The following EVI5 variants were observed in gnomAD, a reference collection of about 807,000 sequenced individuals.
EVI5 encodes ecotropic viral integration site 5 protein homolog.
A neutral mutation model predicts 112.0 loss-of-function variants in EVI5; 73 were observed. The ratio of observed to expected loss-of-function variants is 0.65; its 90% CI spans 0.54 to 0.79. The LOEUF (loss-of-function observed/expected upper bound fraction) is 0.79. EVI5 is among the 30% of genes least tolerant of loss of function. EVI5 has a pLI of 0.00. For synonymous variants in EVI5, 305 were observed against 319.9 expected (o/e 0.95, Z 0.50); for missense variants, 900 against 968.8 (o/e 0.93, Z 0.94).
Position 92,513,510 on chromosome 1 carries a change from AATATATATATAT to A in EVI5, c.*134_*145del, listed in dbSNP as rs200063630. The A allele has an allele frequency of 4.1e-4, 70 of 172,812 alleles. No homozygotes were observed. Among genetic ancestry groups the A allele is most frequent in the Admixed American group, 5.8e-4 (7 of 12,140 alleles). The allele number at this position is 172,812 out of a possible 1,614,324, so 10.7% of individuals were successfully genotyped here. On this transcript the variant is annotated 3_prime_UTR_variant, in exon 20 of 20. Coordinates refer to ENST00000684568, the MANE Select transcript of EVI5 (RefSeq NM_001350197.2). ...GATAAAAAGGCAGATAAGACTGTAA[AATATATATATAT>A]ATATATATATATATATATATATATA...
At chr1:92,591,785 C>A (rs1402467565) in intron 18 of EVI5, among the ~76,000 whole-genome samples, 2 of 152,152 alleles carry the variant, frequency 1.3e-5, no homozygotes, top group East Asian at 1.9e-4. Flanking sequence ...GAACTCTCCA[C>A]CCCAAATCAA....
At chr1:92,577,467 C>T (rs1671257617) in intron 18 of EVI5, among the ~76,000 whole-genome samples, 1 of 152,282 alleles carries the variant, frequency 6.6e-6, no homozygotes, top group Non-Finnish European at 1.5e-5. Flanking sequence ...ATCAGTAGGG[C>T]GGGCCAGCAG....
intron 1 of EVI5, among the ~76,000 whole-genome samples, chr1:92,767,692 T>A (rs1044177519): frequency 2.6e-5 from 4 of 152,234 alleles, no homozygotes; most frequent in African/African-American, 9.6e-5. Context: ...TGACAAGTTA[T>A]TTAAGCTCTT....
At chr1:92,728,291 A>G (rs1239030973) in intron 2 of EVI5, among the ~76,000 whole-genome samples, 1 of 152,176 alleles carries the variant, frequency 6.6e-6, no homozygotes, top group East Asian at 1.9e-4. Flanking sequence ...TCTTCTCTCA[A>G]TATCTGATAT....
chr1:92,554,376 T>C (rs1667390338), intron 19 of EVI5, among the ~76,000 whole-genome samples: 1 of 152,204 alleles, frequency 6.6e-6, no homozygotes, highest in South Asian at 2.1e-4. Flanking sequence ...TGCCCAGGCA[T>C]GAGTTCCATC....
At chr1:92,619,747 T>A (rs905853382) in intron 16 of EVI5, among the ~76,000 whole-genome samples, 1 of 151,100 alleles carries the variant, frequency 6.6e-6, no homozygotes, top group African/African-American at 2.4e-5. Flanking sequence ...TGAGACCTTT[T>A]CTCTTTGAAA....
At chr1:92,709,775 T>C (rs1448322626) in intron 2 of EVI5, among the ~76,000 whole-genome samples, 3 of 152,174 alleles carry the variant, frequency 2.0e-5, no homozygotes, top group Admixed American at 6.5e-5. Context: ...GTAAACTTTA[T>C]AGACTATGTA....
chr1:92,603,669 G>A (rs1184413546), intron 18 of EVI5, among the ~76,000 whole-genome samples: 1 of 143,820 alleles, frequency 7.0e-6, no homozygotes, highest in Non-Finnish European at 1.6e-5. Flanking sequence ...TTGTACAGGT[G>A]TATAAAATTT....
intron 1 of EVI5, among the ~76,000 whole-genome samples, chr1:92,774,384 C>T (rs1310981286): frequency 6.6e-6 from 1 of 152,184 alleles, no homozygotes; most frequent in Non-Finnish European, 1.5e-5. Flanking sequence ...GATAAAGTCA[C>T]TAGCATAATT....
chr1:92,652,525 C>A (rs1254501262), intron 13 of EVI5, among the ~76,000 whole-genome samples: 1 of 152,096 alleles, frequency 6.6e-6, no homozygotes, highest in Non-Finnish European at 1.5e-5. Context: ...AAAATCAGAT[C>A]CAACAATCCC....
chr1:92,633,543 C>T (rs879208553), intron 14 of EVI5, among the ~76,000 whole-genome samples: 1 of 152,060 alleles, frequency 6.6e-6, no homozygotes, highest in Admixed American at 6.6e-5. Context: ...TCCTCCATCC[C>T]TTTATTTTGA....
At chr1:92,719,066 G>A (rs909656221) in intron 2 of EVI5, among the ~76,000 whole-genome samples, 1 of 151,724 alleles carries the variant, frequency 6.6e-6, no homozygotes, top group Non-Finnish European at 1.5e-5. Context: ...CCCTACCAAC[G>A]AAAAAAAGTT....
At chr1:92,755,924 C>A in intron 1 of EVI5, 1 of 177,066 alleles carries the variant, frequency 5.6e-6, no homozygotes, top group South Asian at 1.4e-4. Context: ...TCAACTGAGT[C>A]TCAGCCAGTA....
chr1:92,712,035 T>G (rs954915776), intron 2 of EVI5, among the ~76,000 whole-genome samples: 1 of 152,172 alleles, frequency 6.6e-6, no homozygotes, highest in African/African-American at 2.4e-5. Context: ...TAATCCCATT[T>G]ATGAGGATTA....
intron 1 of EVI5, among the ~76,000 whole-genome samples, chr1:92,779,843 AG>A (rs1684633249): frequency 6.6e-6 from 1 of 152,210 alleles, no homozygotes; most frequent in Non-Finnish European, 1.5e-5. Flanking sequence ...TCCCAGGTAT[AG>A]GGTCAGTGGA....
At chr1:92,518,568 T>C in intron 19 of EVI5, among the ~76,000 whole-genome samples, 1 of 151,896 alleles carries the variant, frequency 6.6e-6, no homozygotes, top group Admixed American at 6.6e-5. Context: ...TCTTGAAGTT[T>C]GAGCAGAGTC....
At chr1:92,713,959 C>T in intron 2 of EVI5, 7 of 895,062 alleles carry the variant, frequency 7.8e-6, no homozygotes, top group Non-Finnish European at 9.4e-6. Flanking sequence ...CATTCCCCTC[C>T]TTAATTAAAA....
intron 14 of EVI5, among the ~76,000 whole-genome samples, chr1:92,633,445 T>C (rs1361378784): frequency 1.3e-5 from 2 of 152,222 alleles, no homozygotes; most frequent in Non-Finnish European, 1.5e-5. Flanking sequence ...TTTGTCTCTT[T>C]TGATCTTTGT....
intron 14 of EVI5, among the ~76,000 whole-genome samples, chr1:92,631,311 A>G (rs376713989): frequency 3.3e-5 from 5 of 152,210 alleles, no homozygotes; most frequent in African/African-American, 1.2e-4. Context: ...CCTACCCATG[A>G]GCATGGAATG....
Sources: allele counts gnomAD v4.1 joint callset (sites outside exome capture counted in the v4.1 genomes callset), GRCh38; gene constraint gnomAD v4.1.1; transcripts MANE v1.5; gene names NCBI Gene and HGNC (gene_info 2026-07-23, HGNC 2026-07-21).